ACO1: variants seen among roughly 807,000 people sequenced by gnomAD.
ACO1 encodes the protein cytoplasmic aconitate hydratase.
In ACO1, 78 loss-of-function variants were observed where a neutral mutation model predicts 105.1. The observed-to-expected ratio is 0.74, with a 90% confidence interval of 0.62 to 0.90. The LOEUF (loss-of-function observed/expected upper bound fraction) is 0.90. Among genes scored for constraint, ACO1 ranks in the 40% least tolerant of loss-of-function variants. The pLI is 0.00. For synonymous variants in ACO1, 364 were observed against 397.4 expected (o/e 0.92, Z 1.00); for missense variants, 965 against 1,111.1 (o/e 0.87, Z 1.87).
At chr9:32,408,486 T>G in intron 3 of ACO1, 28 bp from the exon 4 acceptor site, 1 of 1,612,560 alleles carries the variant, frequency 6.2e-7, no homozygotes. Context: ...AAGGCTTATT[T>G]TCTGCATTAT....
chr9:32,427,259 C>T (rs2118497823), intron 11 of ACO1, 42 bp from the exon 12 acceptor site: 5 of 1,583,374 alleles, frequency 3.2e-6, no homozygotes, highest in Non-Finnish European at 3.5e-6. Context: ...GCACCTAGAG[C>T]AGGCAGCCTC....
chr9:32,395,681 A>G (rs367863646), intron 1 of ACO1, among the ~76,000 whole-genome samples: 8 of 152,252 alleles, frequency 5.3e-5, no homozygotes, highest in South Asian at 2.1e-4. Context: ...TCTCAGGACA[A>G]TGCCCCCACT....
chr9:32,424,517 A>G (rs1394660054), intron 9 of ACO1, 32 bp from the exon 10 acceptor site: 2 of 1,472,680 alleles, frequency 1.4e-6, no homozygotes, highest in Non-Finnish European at 1.9e-6. Flanking sequence ...TATAATGTAA[A>G]TTCTATAATT....
At chr9:32,418,038 C>G in intron 4 of ACO1, 90 bp from the exon 5 acceptor site, 1 of 1,110,838 alleles carries the variant, frequency 9.0e-7, no homozygotes, top group East Asian at 2.5e-5. Flanking sequence ...CAAGGAGATG[C>G]AATTCCATTT....
At position 32,407,342 on chromosome 9, in the gene ACO1, T is replaced by C. The variant is rs765891384; in HGVS notation, c.179T>C (p.Ile60Thr). ...CDEFLVKKQD[I>T]ENILHWNVTQ... Reference sequence around the variant, plus strand: ...GAGTTTTTGGTGAAGAAACAGGATATTGAAAATATTCTACATTGGAATGTC... The same window carrying C: ...GAGTTTTTGGTGAAGAAACAGGATACTGAAAATATTCTACATTGGAATGTC... The change falls in exon 3 of 21, where the codon ATT becomes ACT. Residue 60 changes from isoleucine (I) to threonine (T), a missense_variant. Transcript: ENST00000309951. 2.5e-6 allele frequency: 4 copies of C among 1,614,082 alleles called. No individual in the cohort carries two copies. Among genetic ancestry groups the C allele is most frequent in the South Asian group, 1.1e-5 (1 of 91,090 alleles).
chr9:32,403,225 C>T (rs1821536230), intron 1 of ACO1, among the ~76,000 whole-genome samples: 1 of 152,166 alleles, frequency 6.6e-6, no homozygotes, highest in Non-Finnish European at 1.5e-5. Flanking sequence ...TTTTTCATCC[C>T]TCTGAGCTGC....
At position 32,399,966 on chromosome 9, in the gene ACO1, G is replaced by GTTTTTTTTTTTTTTTTTTTTTTTTT. The variant is rs57615512; in HGVS notation, c.-22-5497_-22-5496insTTTTTTTTTTTTTTTTTTTTTTTTT. ...ATTTCTTTTATTTTTTTCTTTTTCT[G>GTTTTTTTTTTTTTTTTTTTTTTTTT]TTTTTTTTTTTTTTTTTTTTTTGCG... On this transcript the variant is annotated intron_variant, in intron 1 of 20. Transcript: ENST00000309951. Among the ~76,000 whole-genome samples the GTTTTTTTTTTTTTTTTTTTTTTTTT allele has an allele frequency of 1.3e-4, 9 of 69,842 alleles. 1 individual carries two copies. Among genetic ancestry groups the GTTTTTTTTTTTTTTTTTTTTTTTTT allele is most frequent in the Admixed American group, 2.2e-4 (1 of 4,602 alleles). The allele number at this position is 69,842 out of a possible 152,430, so 45.8% of individuals were successfully genotyped here. A position where few individuals can be genotyped will look rare whatever the true frequency, so the allele number is the denominator to read the frequency against.
rs1822428122 is a variant in ACO1, at chr9:32,439,276, A to G, written c.2248-1189A>G. Among the ~76,000 whole-genome samples, 1 of 152,222 alleles carries G rather than the reference A, an allele frequency of 6.6e-6. No individual in the cohort carries two copies. On this transcript the variant is annotated intron_variant, in intron 18 of 20. Coordinates refer to ENST00000309951, the MANE Select transcript of ACO1 (RefSeq NM_002197.3). This position sits in a 1 kb window ranked among gnomAD's most constrained non-coding sequence, Gnocchi z 4.0. ...AGGATCCAGACAATTCAGTTAGAAG[A>G]AGGTTTTCACTGTTTCTATGACAGT...
At chr9:32,442,477 CTAGT>C (rs1822502990) in intron 19 of ACO1, among the ~76,000 whole-genome samples, 1 of 152,116 alleles carries the variant, frequency 6.6e-6, no homozygotes, top group Non-Finnish European at 1.5e-5. Flanking sequence ...ATGGGGAGTT[CTAGT>C]TAATGGAGTA....
At position 32,453,504 on chromosome 9, in the gene ACO1, T is replaced by C. The variant is rs1453314331; in HGVS notation, c.*3393T>C. ...CCACCAATCATACCTTCTGTTGGCC[T>C]CTGCAGTAGAGTGGCCTCTTCTGGG... On this transcript the variant is annotated 3_prime_UTR_variant, in exon 21 of 21. Transcript: ENST00000309951. 1.3e-5 allele frequency: 2 copies of C among 152,080 alleles called. No homozygotes were observed. Among genetic ancestry groups the C allele is most frequent in the African/African-American group, 2.4e-5 (1 of 41,402 alleles). The allele number at this position is 152,080 out of a possible 1,614,324, so 9.4% of individuals were successfully genotyped here. A position where few individuals can be genotyped will look rare whatever the true frequency, so the allele number is the denominator to read the frequency against.
chr9:32,440,719 A>T (rs1247054472), intron 19 of ACO1, 132 bp downstream of exon 19: 1 of 1,217,604 alleles, frequency 8.2e-7, no homozygotes, highest in African/African-American at 1.5e-5. Context: ...GGTAGTGTTT[A>T]TTCCTGGCCT....
At chr9:32,393,156 C>T (rs932212016) in intron 1 of ACO1, among the ~76,000 whole-genome samples, 4 of 152,192 alleles carry the variant, frequency 2.6e-5, no homozygotes, top group Non-Finnish European at 5.9e-5. Context: ...CTCTGACTGC[C>T]GGTGAGCCGG....
At chr9:32,406,779 C>T (rs1427874985) in intron 2 of ACO1, among the ~76,000 whole-genome samples, 1 of 152,092 alleles carries the variant, frequency 6.6e-6, no homozygotes, top group Non-Finnish European at 1.5e-5. Context: ...TGTTTTCTAC[C>T]ACTGAATATC....
intron 4 of ACO1, among the ~76,000 whole-genome samples, chr9:32,415,786 G>C (rs1382350066): frequency 6.6e-6 from 1 of 152,078 alleles, no homozygotes; most frequent in East Asian, 1.9e-4. Context: ...ATTCACTCAG[G>C]CAGGGATCAG....
intron 1 of ACO1, among the ~76,000 whole-genome samples, chr9:32,397,094 G>A (rs1821388408): frequency 6.6e-6 from 1 of 152,162 alleles, no homozygotes; most frequent in African/African-American, 2.4e-5. Flanking sequence ...GAGACAAGCT[G>A]CTGTGAGATG....
In ACO1 at chr9:32,427,718, C is replaced by A. The variant is rs959833372; in HGVS notation, c.1484+282C>A. 3.3e-5 allele frequency among the ~76,000 whole-genome samples: 5 copies of A among 152,152 alleles called. No individual in the cohort carries two copies. In the South Asian group the frequency reaches 1.0e-3, roughly 32 times the overall value. ...TGTGAAGGCCTAGGACATTACCACA[C>A]ACTACTGTTGACTTTATAAACACTG... On this transcript the variant is annotated intron_variant, in intron 12 of 20. Transcript: ENST00000309951.
chr9:32,448,324 G>A (rs1021037129), intron 19 of ACO1, among the ~76,000 whole-genome samples: 2 of 152,206 alleles, frequency 1.3e-5, no homozygotes, highest in African/African-American at 2.4e-5. Flanking sequence ...TTTACACTGT[G>A]AGGGTAAAAC....
rs574484054 is a variant in ACO1, at chr9:32,427,492, A to T, written c.1484+56A>T. On this transcript the variant is annotated intron_variant, in intron 12 of 20. Coordinates refer to ENST00000309951, the MANE Select transcript of ACO1 (RefSeq NM_002197.3). The stretch of plus-strand genomic sequence containing the variant: ...TTTTGTTGAATTGTATCCCTCATGT[A>T]TCTTGCTGTGTCACCTTGTAACAGA... 40 of 1,606,704 alleles carry T rather than the reference A, an allele frequency of 2.5e-5. No homozygotes were observed. The East Asian group carries it at 8.9e-4, about 36-fold the overall frequency.
chr9:32,390,321 A>G (rs916181312), intron 1 of ACO1, among the ~76,000 whole-genome samples: 3 of 152,182 alleles, frequency 2.0e-5, no homozygotes, highest in Non-Finnish European at 2.9e-5. Context: ...CTGTTTCTCT[A>G]CTTTGGTATT....
Sources: allele counts gnomAD v4.1 joint callset (sites outside exome capture counted in the v4.1 genomes callset), GRCh38; gene constraint gnomAD v4.1.1; non-coding constraint Gnocchi (gnomAD v3.1); transcripts MANE v1.5; gene names NCBI Gene and HGNC (gene_info 2026-07-23, HGNC 2026-07-21).